The following CFAP299 variants were observed in gnomAD, a reference collection of about 807,000 sequenced individuals.
CFAP299 encodes cilia and flagella associated protein 299, also known as cilia- and flagella-associated protein 299.
CFAP299 carries 21 observed loss-of-function variants against 27.0 expected under a neutral mutation model. The ratio of observed to expected loss-of-function variants is 0.78; its 90% CI spans 0.55 to 1.12. The LOEUF (loss-of-function observed/expected upper bound fraction) is 1.12. CFAP299 is among the 50% of genes most tolerant of loss of function. The pLI is 0.00. For missense variants in CFAP299, 310 were observed against 276.6 expected (o/e 1.12, Z -0.86); for synonymous variants, 104 against 98.1 (o/e 1.06, Z -0.36).
At chr4:80,753,904 C>T (rs999705979) in intron 3 of CFAP299, among the ~76,000 whole-genome samples, 2 of 152,172 alleles carry the variant, frequency 1.3e-5, no homozygotes, top group Non-Finnish European at 2.9e-5. Flanking sequence ...TCTTCATGCT[C>T]TCTACCTTTT....
chr4:80,754,737 C>A (rs1206284781), intron 3 of CFAP299, among the ~76,000 whole-genome samples: 14 of 152,024 alleles, frequency 9.2e-5, no homozygotes, highest in Non-Finnish European at 2.9e-5. Context: ...CACACCTGGT[C>A]TTCAGCAATT....
chr4:80,426,293 A>G (rs1244268670), intron 2 of CFAP299, among the ~76,000 whole-genome samples: 1 of 152,048 alleles, frequency 6.6e-6, no homozygotes, highest in African/African-American at 2.4e-5. Context: ...AGCCATTTAT[A>G]TTTACTATAT....
At chr4:80,533,162 A>G (rs563593017) in intron 2 of CFAP299, among the ~76,000 whole-genome samples, 19 of 152,362 alleles carry the variant, frequency 1.2e-4, no homozygotes, top group Non-Finnish European at 2.2e-4. Context: ...TCTGCAGAGC[A>G]GGATTTAAGA....
At chr4:80,720,784 A>G (rs2110045344) in intron 3 of CFAP299, among the ~76,000 whole-genome samples, 1 of 152,314 alleles carries the variant, frequency 6.6e-6, no homozygotes, top group East Asian at 1.9e-4. Context: ...AGAAAAATCA[A>G]CCAAGTGAAA....
chr4:80,889,826 A>T (rs1461521572), intron 4 of CFAP299, among the ~76,000 whole-genome samples: 1 of 152,136 alleles, frequency 6.6e-6, no homozygotes, highest in African/African-American at 2.4e-5. Context: ...CAACATATGC[A>T]AATCAGTCAG....
rs75668537 is a variant in CFAP299 at position 80,900,521 on chromosome 4, G to A, written c.476+30386G>A. 3.8e-3 allele frequency among the ~76,000 whole-genome samples: 582 copies of A among 152,088 alleles called. 36 individuals are homozygous for A. The East Asian group carries it at 0.08, about 21-fold the overall frequency. On this transcript the variant is annotated intron_variant, in intron 4 of 5. Transcript: ENST00000358105. ...AGTTTCTCAGTAACTGGATTAATAC[G>A]TATCATCTAAATAAATCTGTTGCTA...
At chr4:80,538,112 A>G (rs994706589) in intron 2 of CFAP299, among the ~76,000 whole-genome samples, 1 of 152,106 alleles carries the variant, frequency 6.6e-6, no homozygotes, top group African/African-American at 2.4e-5. Flanking sequence ...CTATTGTAAC[A>G]TAGCTATTGT....
intron 3 of CFAP299, among the ~76,000 whole-genome samples, chr4:80,759,527 ATTG>A (rs1725436971): frequency 6.6e-6 from 1 of 152,120 alleles, no homozygotes; most frequent in Non-Finnish European, 1.5e-5. Flanking sequence ...GTTTTGTTTT[ATTG>A]TTGTATTTTT....
At chr4:80,936,139 A>G (rs1736875432) in intron 4 of CFAP299, among the ~76,000 whole-genome samples, 1 of 151,978 alleles carries the variant, frequency 6.6e-6, no homozygotes, top group Non-Finnish European at 1.5e-5. Context: ...TCAACCTATC[A>G]AAGATGATGA....
chr4:80,321,402 C>G, the CFAP299 span, among the ~76,000 whole-genome samples: 1 of 152,082 alleles, frequency 6.6e-6, no homozygotes, highest in Non-Finnish European at 1.5e-5. Flanking sequence ...ATAAAGAAAA[C>G]AACCTCCACA....
intron 2 of CFAP299, among the ~76,000 whole-genome samples, chr4:80,475,470 A>G (rs1730230715): frequency 1.3e-5 from 2 of 152,198 alleles, no homozygotes; most frequent in Admixed American, 6.5e-5. Flanking sequence ...AGTGAAAGAA[A>G]GAGAAGGATT....
chr4:80,393,443 T>C (rs577912081), intron 2 of CFAP299, among the ~76,000 whole-genome samples: 43 of 135,334 alleles, frequency 3.2e-4, no homozygotes, highest in Non-Finnish European at 6.4e-4. Flanking sequence ...CACCACTGAC[T>C]CACTGACTCA....
chr4:80,494,616 T>A (rs1731341174), intron 2 of CFAP299, among the ~76,000 whole-genome samples: 1 of 152,196 alleles, frequency 6.6e-6, no homozygotes, highest in Admixed American at 6.5e-5. Flanking sequence ...CCAGAGTGTG[T>A]TCCAATTTTA....
intron 3 of CFAP299, among the ~76,000 whole-genome samples, chr4:80,673,532 G>C (rs773624017): frequency 6.6e-6 from 1 of 152,164 alleles, no homozygotes; most frequent in African/African-American, 2.4e-5. Flanking sequence ...AGGTCTGCTT[G>C]GTGCGGAGCT....
chr4:80,428,565 C>CA (rs1727638629), intron 2 of CFAP299, among the ~76,000 whole-genome samples: 1 of 151,986 alleles, frequency 6.6e-6, no homozygotes. Context: ...CTCACTCTGT[C>CA]ACCTGGGCTG....
chr4:80,916,252 A>AATAAAT (rs1735745550), intron 4 of CFAP299, among the ~76,000 whole-genome samples: 1 of 60,932 alleles, frequency 1.6e-5, no homozygotes, highest in African/African-American at 4.6e-5. Context: ...ACTAGACTGA[A>AATAAAT]ATATATATAT....
At chr4:80,370,442 C>T (rs975693421) in intron 2 of CFAP299, among the ~76,000 whole-genome samples, 1 of 152,150 alleles carries the variant, frequency 6.6e-6, no homozygotes, top group Non-Finnish European at 1.5e-5. Flanking sequence ...CCACTATTAA[C>T]CCAAAAGTCC....
intron 2 of CFAP299, chr4:80,386,542 G>A (rs560016620): frequency 1.9e-6 from 3 of 1,593,122 alleles, no homozygotes; most frequent in African/African-American, 2.7e-5. Context: ...GGGTTTGCAG[G>A]TCCTTTTCCT....
At chr4:80,339,437 C>T (rs1295409590) in intron 1 of CFAP299, among the ~76,000 whole-genome samples, 4 of 152,172 alleles carry the variant, frequency 2.6e-5, no homozygotes, top group Non-Finnish European at 5.9e-5. Context: ...AATAACCACA[C>T]AACTTTTTAC....
Sources: allele counts gnomAD v4.1 joint callset (sites outside exome capture counted in the v4.1 genomes callset), GRCh38; gene constraint gnomAD v4.1.1; transcripts MANE v1.5; gene names NCBI Gene and HGNC (gene_info 2026-07-23, HGNC 2026-07-21).